The following RINL variants were observed in gnomAD, a reference collection of about 807,000 sequenced individuals.
RINL encodes the protein ras and Rab interactor-like protein.
RINL carries 39 observed loss-of-function variants against 58.1 expected under a neutral mutation model. That is an observed-to-expected ratio of 0.67 (90% CI 0.52 to 0.88). RINL has a LOEUF of 0.88. RINL is among the 40% of genes least tolerant of loss of function. The pLI, the probability that RINL is intolerant of heterozygous loss-of-function variation, is 0.00. For synonymous variants in RINL, 286 were observed against 323.1 expected, an observed-to-expected ratio of 0.89 and a Z score of 1.23; for missense variants, 711 against 749.2, an observed-to-expected ratio of 0.95 and a Z score of 0.60.
Position 38,870,172 on chromosome 19 carries a change from C to A in RINL, c.1113G>T (p.Pro371=). Residue 371 remains proline, a synonymous_variant, in exon 9 of 12, where the codon CCG becomes CCT. Coordinates refer to ENST00000591812, the MANE Select transcript of RINL (RefSeq NM_001195833.2). This position sits in a 1 kb window ranked among gnomAD's most constrained non-coding sequence, Gnocchi z 5.8. ...GTCGCCGCCGCAGCCGCCGCAGCTC[C>A]GGTGCTCGGAGTGTGCGGAGTCGTG... ...LWTRLRTLRA[P]ELRRLRRRQT... The A allele has an allele frequency of 7.1e-7, 1 of 1,408,472 alleles. No individual in the cohort carries two copies. Among genetic ancestry groups the A allele is most frequent in the African/African-American group, 1.5e-5 (1 of 66,002 alleles). The allele number at this position is 1,408,472 out of a possible 1,614,324, so 87.2% of individuals were successfully genotyped here.
rs986763414 is a variant in RINL at position 38,870,051 on chromosome 19, C to G, written c.1234G>C (p.Glu412Gln). Residue 412 changes from glutamate (E) to glutamine (Q), a missense_variant, in exon 9 of 12, where the codon GAG becomes CAG. By Grantham distance (29) the Glu-to-Gln change is conservative. Coordinates refer to ENST00000591812, the MANE Select transcript of RINL (RefSeq NM_001195833.2). This position sits in a 1 kb window ranked among gnomAD's most constrained non-coding sequence, Gnocchi z 5.8. ...PAPALRSRIH[E>Q]RLAHLHAACA... ...GCAGCGTGGAGGTGCGCAAGGCGCT[C>G]GTGGATGCGGCTCCGCAAGGCGGGG... 1.0e-5 allele frequency: 16 copies of G among 1,540,284 alleles called. No homozygotes were observed. The highest frequency in any genetic ancestry group is 2.0e-5 in the Admixed American group (1 of 50,084).
Position 38,871,087 on chromosome 19 carries a change from G to A in RINL, c.592C>T (p.His198Tyr). 4 of 1,600,872 alleles carry A rather than the reference G, an allele frequency of 2.5e-6. No homozygotes were observed. In the South Asian group the frequency reaches 4.5e-5, roughly 18 times the overall value. The stretch of plus-strand genomic sequence containing the variant: ...GCCCCGCCCAGCTAACCTGGATCAT[G>A]TCTCTGAGCAGCCTCTGGCTCTGTT... Reference protein sequence around the residue: ...QETEPEAAQRHDPAPRNPAPH... With the variant: ...QETEPEAAQRYDPAPRNPAPH... Residue 198 changes from histidine (H) to tyrosine (Y), a missense_variant, in exon 7 of 12, where the codon CAT becomes TAT. Physicochemically the swap from His to Tyr is moderately conservative, Grantham distance 83. Transcript: ENST00000591812.
intron 3 of RINL, 28 bp downstream of exon 3, chr19:38,876,303 G>A: frequency 1.3e-6 from 2 of 1,526,552 alleles, no homozygotes; most frequent in Admixed American, 2.0e-5. Flanking sequence ...TAGGGTGTCA[G>A]GATGGGCCCC....
In RINL at chr19:38,870,746, A is replaced by T; in HGVS notation, c.848T>A (p.Val283Glu). 1 of 1,613,346 alleles carries T rather than the reference A, an allele frequency of 6.2e-7. No homozygotes were observed. The highest frequency in any genetic ancestry group is 8.5e-7 in the Non-Finnish European group (1 of 1,179,982). The part of the protein sequence containing the change: ...YVARQYRSLR[V>E]RIASDSGGPH... ...ACCCCCAGAATCTGAGGCGATGCGC[A>T]CCCGAAGGCTTCGGTACTGCCTGGC... is the stretch of plus-strand genomic sequence containing the variant. The change falls in exon 8 of 12, where the codon GTG (valine) becomes GAG (glutamate). Residue 283 changes from valine (V) to glutamate (E), a missense_variant. By Grantham distance (121) the Val-to-Glu change is moderately radical (BLOSUM62 -2). Coordinates refer to ENST00000591812, the MANE Select transcript of RINL (RefSeq NM_001195833.2). The surrounding 1 kb of genome is among the most constrained non-coding windows in gnomAD (Gnocchi z 5.8).
At chr19:38,875,295 C>T (rs117807208) in intron 3 of RINL, among the ~76,000 whole-genome samples, 3,798 of 150,238 alleles carry the variant, frequency 0.025, 85 homozygotes, top group Middle Eastern at 0.071. Flanking sequence ...AAGCGAGCCT[C>T]CTACCTCAGC....
Position 38,870,157 on chromosome 19 carries a change from C to A in RINL, c.1128G>T (p.Leu376=). Residue 376 remains leucine (L), a synonymous_variant, in exon 9 of 12, where the codon CTG becomes CTT. Coordinates refer to ENST00000591812, the MANE Select transcript of RINL (RefSeq NM_001195833.2). The surrounding 1 kb of genome is among the most constrained non-coding windows in gnomAD (Gnocchi z 5.8). ...RTLRAPELRR[L]RRRQTALRAG... is the part of the protein sequence containing the mutation. ...CCCGCAGGGCTGTCTGTCGCCGCCGCAGCCGCCGCAGCTCCGGTGCTCGGA... is the reference window on the plus strand; with the variant it reads ...CCCGCAGGGCTGTCTGTCGCCGCCGAAGCCGCCGCAGCTCCGGTGCTCGGA... 1 of 1,408,394 alleles carries A rather than the reference C, an allele frequency of 7.1e-7. No individual in the cohort carries two copies. The highest frequency in any genetic ancestry group is 9.2e-7 in the Non-Finnish European group (1 of 1,091,742). The allele number at this position is 1,408,394 out of a possible 1,614,324, so 87.2% of individuals were successfully genotyped here.
rs1353545804 is a variant in RINL at position 38,871,812 on chromosome 19, A to G, written c.372T>C (p.Phe124=). ...CMPDLPHLLA[F]LSASRDVLPR... ...GTGACCTGTACCTGCTGGCTGATAGAAAGGCCAGGAGATGGGGCAGGTCTG... is the reference window on the plus strand; with the variant it reads ...GTGACCTGTACCTGCTGGCTGATAGGAAGGCCAGGAGATGGGGCAGGTCTG... Residue 124 remains phenylalanine (F), a synonymous_variant, in exon 5 of 12, where the codon TTT becomes TTC. Transcript: ENST00000591812. 6.2e-7 allele frequency: 1 copy of G among 1,614,124 alleles called. No homozygotes were observed. Among genetic ancestry groups the G allele is most frequent in the East Asian group, 2.2e-5 (1 of 44,876 alleles).
rs892466769 is a variant in RINL at position 38,869,343 on chromosome 19, G to T, written c.1542C>A (p.Asp514Glu). ...HHIAHYQPET[D>E]RAPRGLSSEA... is the part of the protein sequence containing the mutation. ...CGGAGCTGAGCCCCCGGGGAGCGCGGTCTGTTTCGGGCTGGTAGTGGGCAA... is the reference window on the plus strand; with the variant it reads ...CGGAGCTGAGCCCCCGGGGAGCGCGTTCTGTTTCGGGCTGGTAGTGGGCAA... Residue 514 changes from aspartate to glutamate, a missense_variant, in exon 11 of 12, where the codon GAC becomes GAA. Asp to Glu is a conservative substitution (Grantham distance 45). Coordinates refer to ENST00000591812, the MANE Select transcript of RINL (RefSeq NM_001195833.2). The surrounding 1 kb of genome is among the most constrained non-coding windows in gnomAD (Gnocchi z 5.7). 7 of 1,613,896 alleles carry T rather than the reference G, an allele frequency of 4.3e-6. No individual in the cohort carries two copies. The highest frequency in any genetic ancestry group is 1.7e-4 in the Middle Eastern group (1 of 6,056).
chr19:38,874,021 A>G, intron 3 of RINL, 33 bp from the exon 4 acceptor site: 1 of 1,308,988 alleles, frequency 7.6e-7, no homozygotes, highest in Non-Finnish European at 1.1e-6. Context: ...AGCGTGACAA[A>G]GGTGTGCGCA....
At chr19:38,873,736 G>A (rs574897773) in intron 4 of RINL, 150 bp downstream of exon 4, 26 of 552,692 alleles carry the variant, frequency 4.7e-5, no homozygotes, top group South Asian at 8.8e-5. Context: ...ATGTTGGCCA[G>A]GCTGGTCTCA....
intron 1 of RINL, among the ~76,000 whole-genome samples, chr19:38,877,212 GC>G (rs1972951923): frequency 6.6e-6 from 1 of 152,202 alleles, no homozygotes; most frequent in Admixed American, 6.5e-5. Context: ...ACCACACCCG[GC>G]CGGCAGGGGT....
rs762015667 is a variant in RINL, at chr19:38,874,013, C to A, written c.211-25G>T. ...TCTGGGGGATAGAGACAAAGGCCAG[C>A]GTGACAAAGGTGTGCGCAGATGTCT... On this transcript the variant is annotated intron_variant, in intron 3 of 11. Transcript: ENST00000591812. The A allele has an allele frequency of 7.1e-6, 10 of 1,407,888 alleles. No homozygotes were observed. In the South Asian group the frequency reaches 1.1e-4, roughly 16 times the overall value. 87.2% of individuals were successfully genotyped at this position (1,407,888 alleles called of 1,614,324 possible).
Position 38,869,142 on chromosome 19 carries a change from A to G in RINL, c.1663T>C (p.Trp555Arg), listed in dbSNP as rs756901954. Residue 555 changes from tryptophan (W) to arginine (R), a missense_variant, in exon 12 of 12, where the codon TGG becomes CGG. By Grantham distance (101) the Trp-to-Arg change is moderately radical. Transcript: ENST00000591812. The surrounding 1 kb of genome is among the most constrained non-coding windows in gnomAD (Gnocchi z 5.7). ...AQANLPFKEP[W>R]AEETVTGTSD... Reference sequence around the variant, plus strand: ...GTCCCTGTCACAGTCTCTTCTGCCCATGGCTCCTTAAAGGGCAGGTTGGCC... The same window carrying G: ...GTCCCTGTCACAGTCTCTTCTGCCCGTGGCTCCTTAAAGGGCAGGTTGGCC... 1.5e-5 allele frequency: 25 copies of G among 1,613,492 alleles called. No individual in the cohort carries two copies. Among genetic ancestry groups the G allele is most frequent in the Middle Eastern group, 1.6e-4 (1 of 6,080 alleles).
Position 38,869,667 on chromosome 19 carries a change from G to A in RINL, c.1380C>T (p.Thr460=). ...LGADAFLPAL[T]EELIWSPDIG... ...TGTCCGGGCTCCAGATGAGTTCCTCGGTCAGCGCCGGCAGGAAGGCGTCGG... is the reference window on the plus strand; with the variant it reads ...TGTCCGGGCTCCAGATGAGTTCCTCAGTCAGCGCCGGCAGGAAGGCGTCGG... The change falls in exon 10 of 12, where the codon ACC becomes ACT. Residue 460 remains threonine, a synonymous_variant. Coordinates refer to ENST00000591812, the MANE Select transcript of RINL (RefSeq NM_001195833.2). The surrounding 1 kb of genome is among the most constrained non-coding windows in gnomAD (Gnocchi z 5.7). 1 of 1,613,876 alleles carries A rather than the reference G, an allele frequency of 6.2e-7. No individual in the cohort carries two copies. The highest frequency in any genetic ancestry group is 2.2e-5 in the East Asian group (1 of 44,860).
In RINL at chr19:38,869,643, G is replaced by C. The variant is rs1400763441; in HGVS notation, c.1404C>G (p.Asp468Glu). The part of the protein sequence containing the change: ...ALTEELIWSP[D>E]IGDTQLDVEF... ...CTACGTCCAGCTGCGTGTCCCCAAT[G>C]TCCGGGCTCCAGATGAGTTCCTCGG... The change falls in exon 10 of 12, where the codon GAC (aspartate) becomes GAG (glutamate). Residue 468 changes from aspartate (D) to glutamate (E), a missense_variant. Coordinates refer to ENST00000591812, the MANE Select transcript of RINL (RefSeq NM_001195833.2). This position sits in a 1 kb window ranked among gnomAD's most constrained non-coding sequence, Gnocchi z 5.7. 1.2e-6 allele frequency: 2 copies of C among 1,613,924 alleles called. No homozygotes were observed. Among genetic ancestry groups the C allele is most frequent in the Non-Finnish European group, 1.7e-6 (2 of 1,179,986 alleles).
At chr19:38,875,701 C>A (rs1404362909) in intron 3 of RINL, among the ~76,000 whole-genome samples, 1 of 151,366 alleles carries the variant, frequency 6.6e-6, no homozygotes, top group Non-Finnish European at 1.5e-5. Context: ...GAAAAGAAAA[C>A]CTTTATTTTT....
At chr19:38,874,891 T>C (rs970374260) in intron 3 of RINL, among the ~76,000 whole-genome samples, 4 of 152,120 alleles carry the variant, frequency 2.6e-5, no homozygotes, top group South Asian at 2.1e-4. Flanking sequence ...TCCCAGCACT[T>C]TGGGAGGCCG....
Position 38,870,434 on chromosome 19 carries a change from C to G in RINL, c.1024+136G>C, listed in dbSNP as rs759409835. The stretch of plus-strand genomic sequence containing the variant: ...GAGTTAGCCTGGGTGTGAACTTGCG[C>G]GCATACGTGGGCGATAGAACGCGTG... On this transcript the variant is annotated intron_variant, in intron 8 of 11. Coordinates refer to ENST00000591812, the MANE Select transcript of RINL (RefSeq NM_001195833.2). The surrounding 1 kb of genome is among the most constrained non-coding windows in gnomAD (Gnocchi z 5.8). 18 of 1,116,412 alleles carry G rather than the reference C, an allele frequency of 1.6e-5. No individual in the cohort carries two copies. The highest frequency in any genetic ancestry group is 2.0e-5 in the Non-Finnish European group (16 of 809,648). 69.2% of individuals were successfully genotyped at this position (1,116,412 alleles called of 1,614,324 possible).
rs1467822125 is a variant in RINL, at chr19:38,869,071, G to C, written c.*33C>G. ...CCACCTTGGCCTCCCAAAATGTTGG[G>C]ATTACAGGCATGAACGGAGGGGTGT... On this transcript the variant is annotated 3_prime_UTR_variant, in exon 12 of 12. Coordinates refer to ENST00000591812, the MANE Select transcript of RINL (RefSeq NM_001195833.2). This position sits in a 1 kb window ranked among gnomAD's most constrained non-coding sequence, Gnocchi z 5.7. The C allele has an allele frequency of 6.5e-7, 1 of 1,546,068 alleles. No homozygotes were observed. Among genetic ancestry groups the C allele is most frequent in the Admixed American group, 1.9e-5 (1 of 52,908 alleles).
Sources: gnomAD v4.1 joint callset for allele counts (sites outside exome capture counted in the v4.1 genomes callset) on GRCh38, gnomAD v4.1.1 for gene constraint, Gnocchi (gnomAD v3.1) non-coding constraint, MANE v1.5 for transcripts, NCBI Gene and HGNC (gene_info 2026-07-23, HGNC 2026-07-21) for gene names.